The following TASOR2 variants were observed in gnomAD, a reference collection of about 807,000 sequenced individuals.
The protein encoded by TASOR2 is protein TASOR 2.
TASOR2 carries 84 observed loss-of-function variants against 199.5 expected under a neutral mutation model. That is an observed-to-expected ratio of 0.42 (90% CI 0.35 to 0.50). The LOEUF is 0.50. Ranked by LOEUF, TASOR2 falls within the 20% of genes least tolerant of loss-of-function variation. TASOR2 has a pLI of 0.02. For synonymous variants in TASOR2, 1,103 were observed against 1,046.6 expected, an observed-to-expected ratio of 1.05 and a Z score of -1.04; for missense variants, 2,796 against 2,835.9, an observed-to-expected ratio of 0.99 and a Z score of 0.32.
chr10:5,723,439 T>A (rs1588727322), intron 6 of TASOR2, among the ~76,000 whole-genome samples: 1 of 152,152 alleles, frequency 6.6e-6, no homozygotes, highest in East Asian at 1.9e-4. Flanking sequence ...ACTTTGTCTG[T>A]ACTGAAAATA....
chr10:5,745,685 CAG>C lies in TASOR2; in HGVS notation c.2758-489_2758-488del, dbSNP rs564252645. On this transcript the variant is annotated intron_variant, in intron 14 of 20. Coordinates refer to ENST00000328090, the Ensembl canonical transcript of TASOR2. ...ATCCCAGCTACTCGGGAGGCTGAGG[CAG>C]AGAGTCACTTAAACCCGGGAGGCAG... Among the ~76,000 whole-genome samples, 44 of 151,794 alleles carry C rather than the reference CAG, an allele frequency of 2.9e-4. 1 individual carries two copies. The South Asian group carries it at 4.2e-3, about 14-fold the overall frequency.
intron 14 of TASOR2, among the ~76,000 whole-genome samples, chr10:5,745,082 C>T (rs1836992390): frequency 6.6e-6 from 1 of 152,144 alleles, no homozygotes; most frequent in Non-Finnish European, 1.5e-5. Flanking sequence ...TTATTATATG[C>T]TCGACAAGGC....
At chr10:5,726,842 T>C (rs1233247970) in intron 8 of TASOR2, 43 bp from the exon 10 acceptor site, 1 of 1,535,098 alleles carries the variant, frequency 6.5e-7, no homozygotes, top group Non-Finnish European at 9.0e-7. Flanking sequence ...AAGAGAGGGA[T>C]TGCAGAATAT....
rs376298144 is a variant in TASOR2 at position 5,690,088 on chromosome 10, GT to G, written c.-288+4915del. 1.2e-3 allele frequency among the ~76,000 whole-genome samples: 181 copies of G among 152,052 alleles called. No individual in the cohort carries two copies. The highest frequency in any genetic ancestry group is 4.2e-3 in the African/African-American group (175 of 41,496). On this transcript the variant is annotated intron_variant, in intron 1 of 20. Coordinates refer to ENST00000328090, the Ensembl canonical transcript of TASOR2. The surrounding 1 kb of genome is among the most constrained non-coding windows in gnomAD (Gnocchi z 4.8). ...TAGAAATATCTTCCTTGTATTTGTG[GT>G]TGTATCGTCTTTGCTTTCAATATTT... is the stretch of plus-strand genomic sequence containing the variant.
intron 10 of TASOR2, among the ~76,000 whole-genome samples, chr10:5,727,712 C>T (rs1834228659): frequency 6.6e-6 from 1 of 152,140 alleles, no homozygotes; most frequent in Admixed American, 6.5e-5. Flanking sequence ...GCTTATTCTT[C>T]CTCCTATCTG....
At chr10:5,726,299 G>C (rs934568585) in intron 8 of TASOR2, among the ~76,000 whole-genome samples, 3 of 152,188 alleles carry the variant, frequency 2.0e-5, no homozygotes, top group African/African-American at 7.2e-5. Context: ...TTGAGCTCAA[G>C]AGTCCACTGA....
Position 5,730,611 on chromosome 10 carries a change from A to G in TASOR2, c.612A>G (p.Thr204=). 1 of 1,614,226 alleles carries G rather than the reference A, an allele frequency of 6.2e-7. No individual in the cohort carries two copies. Among genetic ancestry groups the G allele is most frequent in the Non-Finnish European group, 8.5e-7 (1 of 1,180,034 alleles). ...CTGAAGAAAGAATCCATCCAAACAC[A>G]TTAGTAAAGCGTCATTTCCAAGAAT... The change falls in exon 11 of 21, where the codon ACA becomes ACG. Residue 204 remains threonine (T), a synonymous_variant. Transcript: ENST00000328090. This position sits in a 1 kb window ranked among gnomAD's most constrained non-coding sequence, Gnocchi z 4.1.
chr10:5,695,305 A>G (rs1474616353), intron 1 of TASOR2, among the ~76,000 whole-genome samples: 2 of 152,214 alleles, frequency 1.3e-5, no homozygotes, highest in South Asian at 2.1e-4. Context: ...CACATATGTA[A>G]TTATAAATCA....
Position 5,739,272 on chromosome 10 carries a change from C to G in TASOR2, c.1448-346C>G, listed in dbSNP as rs536996233. On this transcript the variant is annotated intron_variant, in intron 12 of 20. Coordinates refer to ENST00000328090, the Ensembl canonical transcript of TASOR2. Reference sequence around the variant, plus strand: ...TTTTTTTGTTTGTACATTTTTTGAGCTGAGCTGTATGTCTTCTGTGTAGAT... The same window carrying G: ...TTTTTTTGTTTGTACATTTTTTGAGGTGAGCTGTATGTCTTCTGTGTAGAT... Among the ~76,000 whole-genome samples the G allele has an allele frequency of 2.2e-4, 34 of 152,210 alleles. 1 individual carries two copies. The South Asian group carries it at 6.8e-3, about 31-fold the overall frequency.
chr10:5,750,798 C>T lies in TASOR2; in HGVS notation c.6606+771C>T, dbSNP rs1837929431. Among the ~76,000 whole-genome samples, 1 of 152,168 alleles carries T rather than the reference C, an allele frequency of 6.6e-6. No homozygotes were observed. Among genetic ancestry groups the T allele is most frequent in the African/African-American group, 2.4e-5 (1 of 41,450 alleles). ...AGTTCAAGGATCCTCATCTTTTTAA[C>T]CACAGAACAACCCTGTGCATCAGGA... On this transcript the variant is annotated intron_variant, in intron 15 of 20. Coordinates refer to ENST00000328090, the Ensembl canonical transcript of TASOR2. This position sits in a 1 kb window ranked among gnomAD's most constrained non-coding sequence, Gnocchi z 5.4.
intron 1 of TASOR2, among the ~76,000 whole-genome samples, chr10:5,688,395 A>ATTTTTTTTTTTTTTTTTTTTTTT (rs34362647): frequency 1.0e-5 from 1 of 99,894 alleles, no homozygotes. Context: ...CTAATTTTTA[A>ATTTTTTTTTTTTTTTTTTTTTTT]TTTTTTTTTT....
chr10:5,755,235 C>T (rs1194111487), intron 15 of TASOR2, among the ~76,000 whole-genome samples: 1 of 151,956 alleles, frequency 6.6e-6, no homozygotes, highest in African/African-American at 2.4e-5. Context: ...GAAAATCATA[C>T]CATATACTTT....
Position 5,750,870 on chromosome 10 carries a change from T to C in TASOR2, c.6606+843T>C, listed in dbSNP as rs1436978338. Among the ~76,000 whole-genome samples the C allele has an allele frequency of 6.6e-6, 1 of 152,254 alleles. No individual in the cohort carries two copies. The highest frequency in any genetic ancestry group is 6.5e-5 in the Admixed American group (1 of 15,292). On this transcript the variant is annotated intron_variant, in intron 15 of 20. Coordinates refer to ENST00000328090, the Ensembl canonical transcript of TASOR2. The surrounding 1 kb of genome is among the most constrained non-coding windows in gnomAD (Gnocchi z 5.4). Reference sequence around the variant, plus strand: ...AGTGACCATCTCCATTAACCTCATCTAGGTCTAGGATCATAGGTGTCTAGA... The same window carrying C: ...AGTGACCATCTCCATTAACCTCATCCAGGTCTAGGATCATAGGTGTCTAGA...
intron 8 of TASOR2, among the ~76,000 whole-genome samples, chr10:5,726,124 T>A (rs1246590813): frequency 6.6e-6 from 1 of 152,220 alleles, no homozygotes; most frequent in Non-Finnish European, 1.5e-5. Flanking sequence ...TGTACTAATA[T>A]TGGATTTTAT....
chr10:5,689,475 C>G lies in TASOR2; in HGVS notation c.-288+4300C>G, dbSNP rs1836181630. On this transcript the variant is annotated intron_variant, in intron 1 of 20. Transcript: ENST00000328090. The surrounding 1 kb of genome is among the most constrained non-coding windows in gnomAD (Gnocchi z 4.1). ...ATTATCCCGGCATGGGGGTGCGCGC[C>G]TGTAGTCCCAGCTACTCGGGAGGCT... is the stretch of plus-strand genomic sequence containing the variant. 1.3e-5 allele frequency among the ~76,000 whole-genome samples: 2 copies of G among 152,112 alleles called. No individual in the cohort carries two copies. Among genetic ancestry groups the G allele is most frequent in the Admixed American group, 1.3e-4 (2 of 15,274 alleles).
rs1836219763 is a variant in TASOR2 at position 5,689,787 on chromosome 10, T to C, written c.-288+4612T>C. On this transcript the variant is annotated intron_variant, in intron 1 of 20. Coordinates refer to ENST00000328090, the Ensembl canonical transcript of TASOR2. This position sits in a 1 kb window ranked among gnomAD's most constrained non-coding sequence, Gnocchi z 4.1. The stretch of plus-strand genomic sequence containing the variant: ...TAGTAAATATTCTCTTCTGGTCTTT[T>C]ACTCTTCTTTCACTTTGTTTCCCAC... Among the ~76,000 whole-genome samples the C allele has an allele frequency of 6.6e-6, 1 of 152,252 alleles. No homozygotes were observed. The highest frequency in any genetic ancestry group is 6.5e-5 in the Admixed American group (1 of 15,290).
exon 15 of TASOR2, chr10:5,749,768 C>G (rs1837762623): frequency 6.2e-7 from 1 of 1,614,154 alleles, no homozygotes; most frequent in South Asian, 1.1e-5. Context: ...AATGAGTATG[C>G]TGAATTCAAC....
chr10:5,747,169 A>G (rs1213166502), exon 15 of TASOR2: 2 of 1,614,016 alleles, frequency 1.2e-6, no homozygotes, highest in Non-Finnish European at 1.7e-6. Context: ...CACTGAAAAT[A>G]TGAATTTGGA....
intron 18 of TASOR2, chr10:5,761,005 A>T (rs934472625): frequency 1.4e-5 from 4 of 285,826 alleles, no homozygotes; most frequent in Non-Finnish European, 2.6e-5. Context: ...CAACGCAATA[A>T]GGCCCACTCG....
Sources: gnomAD v4.1 joint callset for allele counts (sites outside exome capture counted in the v4.1 genomes callset) on GRCh38, gnomAD v4.1.1 for gene constraint, Gnocchi (gnomAD v3.1) non-coding constraint, MANE v1.5 for transcripts, NCBI Gene and HGNC (gene_info 2026-07-23, HGNC 2026-07-21) for gene names.